Variants in LIPI observed in about 807,000 individuals in gnomAD.
The protein encoded by LIPI is lipase I.
A neutral mutation model predicts 50.6 loss-of-function variants in LIPI; 59 were observed. That is an observed-to-expected ratio of 1.16 (90% CI 0.94 to 1.45). The LOEUF (loss-of-function observed/expected upper bound fraction) is 1.45. Ranked by LOEUF, LIPI falls within the 40% of genes most tolerant of loss-of-function variation. LIPI has a pLI of 0.00. For missense variants in LIPI, 586 were observed against 536.3 expected, an observed-to-expected ratio of 1.09 and a Z score of -0.92; for synonymous variants, 203 against 178.2, an observed-to-expected ratio of 1.14 and a Z score of -1.11.
chr21:14,138,374 A>T (rs984667662), intron 9 of LIPI, among the ~76,000 whole-genome samples: 3 of 152,152 alleles, frequency 2.0e-5, no homozygotes, highest in Non-Finnish European at 4.4e-5. Flanking sequence ...TCTTCAGTGA[A>T]TAAGTGCTCT....
chr21:14,209,588 T>C (rs955485518), intron 1 of LIPI, among the ~76,000 whole-genome samples: 2 of 152,150 alleles, frequency 1.3e-5, no homozygotes, highest in Non-Finnish European at 2.9e-5. Context: ...TATCTAAAAG[T>C]TCTACTATTG....
At chr21:14,155,276 G>A (rs375420426) in intron 7 of LIPI, among the ~76,000 whole-genome samples, 3 of 151,990 alleles carry the variant, frequency 2.0e-5, no homozygotes, top group East Asian at 3.9e-4. Context: ...TTGAGGGCCA[G>A]TCAATCTTAA....
chr21:14,175,943 C>T (rs1267841322), intron 4 of LIPI, among the ~76,000 whole-genome samples: 1 of 152,052 alleles, frequency 6.6e-6, no homozygotes, highest in Non-Finnish European at 1.5e-5. Flanking sequence ...CTTTGGGAGG[C>T]CGAGGCGGGC....
chr21:14,110,754 T>C (rs1385991910), intron 9 of LIPI, among the ~76,000 whole-genome samples: 1 of 151,794 alleles, frequency 6.6e-6, no homozygotes, highest in East Asian at 1.9e-4. Flanking sequence ...GCCTGGCTTA[T>C]TATACTTAAC....
chr21:14,147,569 A>G (rs533215758), intron 8 of LIPI, among the ~76,000 whole-genome samples: 2 of 152,278 alleles, frequency 1.3e-5, no homozygotes, highest in Admixed American at 1.3e-4. Context: ...TAATTTATAT[A>G]AGAGCAGACA....
At chr21:14,147,886 C>T (rs2017960585) in intron 8 of LIPI, among the ~76,000 whole-genome samples, 1 of 152,120 alleles carries the variant, frequency 6.6e-6, no homozygotes, top group Non-Finnish European at 1.5e-5. Flanking sequence ...TGGATCCAGG[C>T]TCATGTTATC....
intron 7 of LIPI, among the ~76,000 whole-genome samples, chr21:14,158,059 A>C (rs1232935446): frequency 6.6e-6 from 1 of 151,812 alleles, no homozygotes; most frequent in Non-Finnish European, 1.5e-5. Flanking sequence ...TTGAGTTTAG[A>C]GGAGATTTTT....
intron 7 of LIPI, among the ~76,000 whole-genome samples, chr21:14,153,138 G>A (rs2018156389): frequency 6.6e-6 from 1 of 152,128 alleles, no homozygotes; most frequent in Non-Finnish European, 1.5e-5. Flanking sequence ...GAATGACTGT[G>A]AATATATATA....
At chr21:14,171,757 A>C (rs920386074) in intron 4 of LIPI, among the ~76,000 whole-genome samples, 2 of 152,124 alleles carry the variant, frequency 1.3e-5, no homozygotes, top group Non-Finnish European at 2.9e-5. Flanking sequence ...TAAAACCATA[A>C]AAACCCTAGA....
intron 7 of LIPI, among the ~76,000 whole-genome samples, chr21:14,154,514 T>C (rs1346534757): frequency 1.3e-5 from 2 of 151,876 alleles, no homozygotes; most frequent in Non-Finnish European, 2.9e-5. Context: ...AAAACTGAAA[T>C]TGGTAAATAT....
chr21:14,179,218 G>A (rs1236028833), intron 4 of LIPI, among the ~76,000 whole-genome samples: 1 of 151,494 alleles, frequency 6.6e-6, no homozygotes, highest in Non-Finnish European at 1.5e-5. Flanking sequence ...ACTCACAACT[G>A]AATAAAAATG....
At chr21:14,158,606 A>T (rs1333999357) in intron 7 of LIPI, among the ~76,000 whole-genome samples, 2 of 145,578 alleles carry the variant, frequency 1.4e-5, no homozygotes, top group Non-Finnish European at 3.0e-5. Flanking sequence ...TATATATTAA[A>T]ATATATATAT....
chr21:14,161,528 TA>T (rs1371786406), intron 7 of LIPI, among the ~76,000 whole-genome samples: 2 of 128,504 alleles, frequency 1.6e-5, no homozygotes, highest in Non-Finnish European at 3.1e-5. Flanking sequence ...TAGATATAGA[TA>T]TAATATCCAT....
At chr21:14,173,580 C>A (rs963562684) in intron 4 of LIPI, among the ~76,000 whole-genome samples, 1 of 152,128 alleles carries the variant, frequency 6.6e-6, no homozygotes, top group Non-Finnish European at 1.5e-5. Context: ...ATCTGGGGCA[C>A]AAAAGATTTC....
chr21:14,204,891 C>A (rs534953841), intron 1 of LIPI, among the ~76,000 whole-genome samples: 52 of 151,670 alleles, frequency 3.4e-4, no homozygotes, highest in African/African-American at 1.2e-3. Flanking sequence ...ACCAGGAAGC[C>A]AATAGATTTC....
At chr21:14,128,413 G>A (rs533676969) in intron 9 of LIPI, among the ~76,000 whole-genome samples, 1 of 152,144 alleles carries the variant, frequency 6.6e-6, no homozygotes, top group South Asian at 2.1e-4. Flanking sequence ...TCATTGCAAA[G>A]GTGCTTCTGA....
chr21:14,151,085 A>G (rs963251742), intron 8 of LIPI, among the ~76,000 whole-genome samples: 1 of 152,110 alleles, frequency 6.6e-6, no homozygotes, highest in Non-Finnish European at 1.5e-5. Flanking sequence ...CCTTGATGGA[A>G]TGGTTTTTAT....
chr21:14,165,950 G>C (rs1226409229), intron 5 of LIPI, among the ~76,000 whole-genome samples: 1 of 152,160 alleles, frequency 6.6e-6, no homozygotes, highest in African/African-American at 2.4e-5. Context: ...AAGTTGCTCA[G>C]CTATCTTTAT....
At chr21:14,206,971 T>C (rs759321340) in intron 1 of LIPI, 4 of 1,260,802 alleles carry the variant, frequency 3.2e-6, no homozygotes, top group Admixed American at 1.7e-5. Context: ...TATTCATGTA[T>C]AATAAGAAGG....
Sources: allele counts gnomAD v4.1 joint callset (sites outside exome capture counted in the v4.1 genomes callset), GRCh38; gene constraint gnomAD v4.1.1; transcripts MANE v1.5; gene names NCBI Gene and HGNC (gene_info 2026-07-23, HGNC 2026-07-21).